The following CELF2 variants were observed in gnomAD, a reference collection of about 807,000 sequenced individuals.
CELF2 encodes the protein CUGBP Elav-like family member 2.
In CELF2, 8 loss-of-function variants were observed where a neutral mutation model predicts 62.6. The observed-to-expected ratio is 0.13, with a 90% confidence interval of 0.07 to 0.23. The LOEUF (loss-of-function observed/expected upper bound fraction) is 0.23. Ranked by LOEUF, CELF2 falls within the 10% of genes least tolerant of loss-of-function variation. CELF2 has a pLI of 1.00. For missense variants in CELF2, 333 were observed against 671.0 expected (o/e 0.50, Z 5.56); for synonymous variants, 258 against 250.0 (o/e 1.03, Z -0.30).
At chr10:11,078,409 T>C (rs1368813263) in intron 1 of CELF2, among the ~76,000 whole-genome samples, 3 of 152,230 alleles carry the variant, frequency 2.0e-5, no homozygotes, top group Non-Finnish European at 4.4e-5. Context: ...GAACGAGTTC[T>C]ACCTATAACA....
At chr10:11,088,705 G>A (rs1348534042) in intron 1 of CELF2, among the ~76,000 whole-genome samples, 1 of 152,190 alleles carries the variant, frequency 6.6e-6, no homozygotes, top group Non-Finnish European at 1.5e-5. Context: ...CCCATACTTA[G>A]TTGCATAGAA....
At chr10:10,576,980 C>A in the CELF2 span, among the ~76,000 whole-genome samples, 1 of 152,174 alleles carries the variant, frequency 6.6e-6, no homozygotes, top group African/African-American at 2.4e-5. Flanking sequence ...ACTCCCATTA[C>A]CTCAGCAAGA....
chr10:10,862,666 C>G (rs1041963671), intron 1 of CELF2, among the ~76,000 whole-genome samples: 1 of 152,168 alleles, frequency 6.6e-6, no homozygotes, highest in African/African-American at 2.4e-5. Flanking sequence ...GGGCCCTGCC[C>G]TTCAACAGGA....
chr10:11,186,423 A>G (rs1453368098), intron 2 of CELF2, among the ~76,000 whole-genome samples: 3 of 150,352 alleles, frequency 2.0e-5, no homozygotes, highest in African/African-American at 7.4e-5. Context: ...GAGGTTACTG[A>G]TTTGAAATCT....
chr10:10,871,851 C>T (rs1325096051), intron 1 of CELF2, among the ~76,000 whole-genome samples: 3 of 152,020 alleles, frequency 2.0e-5, no homozygotes, highest in Non-Finnish European at 4.4e-5. Context: ...ATAATTCAGC[C>T]CAAACGAATA....
rs576343451 is a variant in CELF2 at position 10,890,820 on chromosome 10, GC to G, written c.54-29142del. Among the ~76,000 whole-genome samples the G allele has an allele frequency of 4.9e-3, 753 of 152,308 alleles. 4 individuals are homozygous for G. Among genetic ancestry groups the G allele is most frequent in the Non-Finnish European group, 8.9e-3 (603 of 68,032 alleles). On this transcript the variant is annotated intron_variant, in intron 1 of 13. Coordinates refer to the CELF2 transcript ENST00000636488. Reference sequence around the variant, plus strand: ...GCCTGAGGTGAGGAGTTCAAGACCAGCCTGACCAACATGGTAAAACCCCTTT... The same window carrying G: ...GCCTGAGGTGAGGAGTTCAAGACCAGCTGACCAACATGGTAAAACCCCTTT...
Position 11,142,967 on chromosome 10 carries a change from A to G in CELF2, c.75-22519A>G, listed in dbSNP as rs184301157. ...TCTTCTGTCCTCCCTCCACTGGGGG[A>G]ACTCACTCCCCTCGTGATTCTTCTG... On this transcript the variant is annotated intron_variant, in intron 1 of 12. Transcript: ENST00000633077. 3.1e-3 allele frequency among the ~76,000 whole-genome samples: 390 copies of G among 124,042 alleles called. 7 individuals are homozygous for G. The highest frequency in any genetic ancestry group is 0.012 in the African/African-American group (368 of 29,922). The allele number at this position is 124,042 out of a possible 152,430, so 81.4% of individuals were successfully genotyped here.
intron 1 of CELF2, among the ~76,000 whole-genome samples, chr10:11,032,946 G>A (rs1181941574): frequency 6.6e-6 from 1 of 152,190 alleles, no homozygotes; most frequent in Non-Finnish European, 1.5e-5. Flanking sequence ...TGTATGTTGG[G>A]TTTTGGACAG....
the CELF2 span, among the ~76,000 whole-genome samples, chr10:10,633,170 C>T: frequency 6.6e-6 from 1 of 152,088 alleles, no homozygotes; most frequent in African/African-American, 2.4e-5. Context: ...CTCATTTCAC[C>T]GTCCTGTGCG....
the CELF2 span, among the ~76,000 whole-genome samples, chr10:10,588,132 A>G: frequency 6.6e-6 from 1 of 152,206 alleles, no homozygotes; most frequent in East Asian, 1.9e-4. Context: ...GCAGGCCTAA[A>G]ATTGTGCATG....
the CELF2 span, among the ~76,000 whole-genome samples, chr10:10,534,137 A>G: frequency 1.3e-5 from 2 of 151,626 alleles, no homozygotes; most frequent in African/African-American, 4.8e-5. Context: ...ATAAAAGGCA[A>G]CTGTATTTGA....
At chr10:11,256,934 C>T (rs533418814) in intron 4 of CELF2, among the ~76,000 whole-genome samples, 2 of 152,024 alleles carry the variant, frequency 1.3e-5, no homozygotes, top group Middle Eastern at 3.4e-3. Flanking sequence ...GTGGCTAGTA[C>T]AGTATTGTTT....
At chr10:10,981,986 A>C in intron 2 of CELF2, among the ~76,000 whole-genome samples, 2 of 118,512 alleles carry the variant, frequency 1.7e-5, no homozygotes, top group Admixed American at 1.1e-4. Flanking sequence ...ATGGAGTCTC[A>C]CTCTTGTGGC....
chr10:10,686,318 G>T, the CELF2 span, among the ~76,000 whole-genome samples: 31 of 85,608 alleles, frequency 3.6e-4, 2 homozygotes, highest in Admixed American at 4.9e-3. Flanking sequence ...TTTGGGGGGG[G>T]GGGTGGGGTG....
intron 8 of CELF2, among the ~76,000 whole-genome samples, chr10:11,279,845 A>G (rs2087661281): frequency 6.6e-6 from 1 of 152,164 alleles, no homozygotes; most frequent in Non-Finnish European, 1.5e-5. Context: ...ATTGAATGAA[A>G]GTTGAATCCC....
the CELF2 span, among the ~76,000 whole-genome samples, chr10:10,495,106 C>G: frequency 6.9e-6 from 1 of 145,930 alleles, no homozygotes. Flanking sequence ...GAAACCCCGT[C>G]TCTACTAAAA....
At chr10:10,546,517 A>G in the CELF2 span, among the ~76,000 whole-genome samples, 1 of 152,188 alleles carries the variant, frequency 6.6e-6, no homozygotes. Context: ...CAACTGTATT[A>G]TAAGTAAACT....
intron 2 of CELF2, among the ~76,000 whole-genome samples, chr10:11,206,938 C>T (rs1239975271): frequency 2.0e-5 from 3 of 152,096 alleles, no homozygotes; most frequent in Non-Finnish European, 4.4e-5. Context: ...TGGGAGAGTT[C>T]GTGAAACAGC....
chr10:11,241,348 C>T lies in CELF2; in HGVS notation c.355-7805C>T, dbSNP rs561804466. ...CCAAGTAGCTGGGATTACAGGTGTG[C>T]GCCACCATGCCCAGCTAATTTTTGT... On this transcript the variant is annotated intron_variant, in intron 3 of 12. Coordinates refer to ENST00000633077, the MANE Select transcript of CELF2 (RefSeq NM_001326342.2). 2.2e-4 allele frequency among the ~76,000 whole-genome samples: 34 copies of T among 152,224 alleles called. No homozygotes were observed. The East Asian group carries it at 3.3e-3, about 15-fold the overall frequency.
Sources: allele counts gnomAD v4.1 joint callset (sites outside exome capture counted in the v4.1 genomes callset), GRCh38; gene constraint gnomAD v4.1.1; transcripts MANE v1.5; gene names NCBI Gene and HGNC (gene_info 2026-07-23, HGNC 2026-07-21).